The following SYT16 variants were observed in gnomAD, a reference collection of about 807,000 sequenced individuals.
SYT16 encodes synaptotagmin-16.
In SYT16, 42 loss-of-function variants were observed where a neutral mutation model predicts 61.4. That is an observed-to-expected ratio of 0.68 (90% confidence interval 0.53 to 0.89). The LOEUF (loss-of-function observed/expected upper bound fraction) is 0.89. Ranked by LOEUF, SYT16 falls within the 40% of genes least tolerant of loss-of-function variation. SYT16 has a pLI of 0.00. For synonymous variants in SYT16, 314 were observed against 302.3 expected (o/e 1.04, Z -0.40); for missense variants, 804 against 807.3 (o/e 1.00, Z 0.05).
At chr14:62,081,679 G>T (rs2056713247) in intron 6 of SYT16, among the ~76,000 whole-genome samples, 1 of 152,200 alleles carries the variant, frequency 6.6e-6, no homozygotes, top group African/African-American at 2.4e-5. Context: ...TGAGAGAGCA[G>T]CCCAGAACTT....
intron 6 of SYT16, among the ~76,000 whole-genome samples, chr14:62,083,154 T>TGG (rs11415895): frequency 9.2e-5 from 14 of 152,076 alleles, no homozygotes; most frequent in African/African-American, 1.7e-4. Flanking sequence ...TCAGGTTAGG[T>TGG]GGGGGGCGCT....
At chr14:61,947,810 A>T (rs939809560) in intron 1 of SYT16, among the ~76,000 whole-genome samples, 1 of 152,234 alleles carries the variant, frequency 6.6e-6, no homozygotes, top group Non-Finnish European at 1.5e-5. Context: ...CATTGTGCAA[A>T]GGGTGCATTC....
intron 2 of SYT16, among the ~76,000 whole-genome samples, chr14:61,980,668 G>A (rs553154591): frequency 1.1e-3 from 165 of 152,294 alleles, no homozygotes; most frequent in African/African-American, 3.9e-3. Flanking sequence ...TGGTGAAAAA[G>A]AGAGTTGTAG....
chr14:62,024,822 C>T (rs960593719), intron 3 of SYT16, among the ~76,000 whole-genome samples: 3 of 152,078 alleles, frequency 2.0e-5, no homozygotes, highest in Non-Finnish European at 4.4e-5. Context: ...CTGACAACCA[C>T]TGATCTTTTT....
chr14:62,060,674 T>C lies in SYT16; in HGVS notation c.524-8929T>C, dbSNP rs200615746. ...TTGCCTCTCTAGGGTAAACCTTATGTGGTCATAATATATAATCCTTTAAAT... is the reference window on the plus strand; with the variant it reads ...TTGCCTCTCTAGGGTAAACCTTATGCGGTCATAATATATAATCCTTTAAAT... On this transcript the variant is annotated intron_variant, in intron 3 of 7. Transcript: ENST00000683842. 1.1e-4 allele frequency among the ~76,000 whole-genome samples: 16 copies of C among 152,160 alleles called. No individual in the cohort carries two copies. The East Asian group carries it at 2.1e-3, about 20-fold the overall frequency.
intron 3 of SYT16, among the ~76,000 whole-genome samples, chr14:62,044,700 A>G (rs2054894141): frequency 6.6e-6 from 1 of 152,084 alleles, no homozygotes; most frequent in Non-Finnish European, 1.5e-5. Context: ...CCTGTCTATC[A>G]TTGATGGGCA....
At chr14:61,850,109 T>G (rs995925384) in intron 1 of SYT16, among the ~76,000 whole-genome samples, 1 of 152,042 alleles carries the variant, frequency 6.6e-6, no homozygotes, top group Admixed American at 6.6e-5. Context: ...CTCAGTGTGG[T>G]TTTAATTTGC....
intron 1 of SYT16, chr14:61,864,936 G>A: frequency 1.5e-6 from 2 of 1,292,022 alleles, no homozygotes; most frequent in Non-Finnish European, 2.2e-6. Flanking sequence ...GTCCTGGGCT[G>A]CCTGCAGGCC....
At position 61,987,569 on chromosome 14, in the gene SYT16, A is replaced by C. The variant is rs374447931; in HGVS notation, c.-144-8307A>C. On this transcript the variant is annotated intron_variant, in intron 2 of 7. Transcript: ENST00000683842. ...ATAGAGTTTAGAGTTATTTAGATGA[A>C]AGAATGGGTAGGCCTTGGTAAGCAA... 5.1e-4 allele frequency among the ~76,000 whole-genome samples: 77 copies of C among 152,262 alleles called. No individual in the cohort carries two copies. The Middle Eastern group carries it at 0.024, about 47-fold the overall frequency.
intron 5 of SYT16, among the ~76,000 whole-genome samples, chr14:62,079,859 T>A (rs776716752): frequency 2.0e-5 from 3 of 152,174 alleles, no homozygotes; most frequent in Non-Finnish European, 2.9e-5. Context: ...GCATGTAAAT[T>A]GCTACCCAAG....
At chr14:62,020,665 A>T (rs1176179097) in intron 3 of SYT16, among the ~76,000 whole-genome samples, 1 of 152,148 alleles carries the variant, frequency 6.6e-6, no homozygotes, top group East Asian at 1.9e-4. Flanking sequence ...CCTGGTTCTG[A>T]CTTTGGTTAA....
At chr14:62,100,073 T>G (rs1294752912) in intron 7 of SYT16, among the ~76,000 whole-genome samples, 2 of 152,230 alleles carry the variant, frequency 1.3e-5, no homozygotes, top group Non-Finnish European at 1.5e-5. Flanking sequence ...GATGAAGAAC[T>G]GTGCCTGCCC....
intron 3 of SYT16, among the ~76,000 whole-genome samples, chr14:62,024,624 A>G (rs1595185094): frequency 6.6e-6 from 1 of 152,044 alleles, no homozygotes; most frequent in Non-Finnish European, 1.5e-5. Context: ...TAAACCTGCA[A>G]TGAAACATCA....
intron 1 of SYT16, among the ~76,000 whole-genome samples, chr14:61,958,429 T>C (rs2050972138): frequency 6.6e-6 from 1 of 152,014 alleles, no homozygotes; most frequent in Admixed American, 6.6e-5. Flanking sequence ...TCTCTTCTAG[T>C]ACTGCTTTCC....
At chr14:61,960,734 A>G (rs546146746) in intron 1 of SYT16, among the ~76,000 whole-genome samples, 5 of 152,164 alleles carry the variant, frequency 3.3e-5, no homozygotes, top group Admixed American at 6.5e-5. Flanking sequence ...CTGCCGTACT[A>G]TGTTGAGTAG....
Position 62,080,210 on chromosome 14 carries a change from A to G in SYT16, c.994-624A>G, listed in dbSNP as rs565310698. Reference sequence around the variant, plus strand: ...AGTGTGAGCCGAGGCTAGCAGCGTCAACATCCCTTGTGCCTGTCCCAGAAA... The same window carrying G: ...AGTGTGAGCCGAGGCTAGCAGCGTCGACATCCCTTGTGCCTGTCCCAGAAA... On this transcript the variant is annotated intron_variant, in intron 5 of 7. Transcript: ENST00000683842. Among the ~76,000 whole-genome samples the G allele has an allele frequency of 5.9e-5, 9 of 152,340 alleles. No homozygotes were observed. The South Asian group carries it at 6.2e-4, about 11-fold the overall frequency.
At position 61,835,321 on chromosome 14, in the gene SYT16, C is replaced by T. The variant is rs192839276; in HGVS notation, c.-325+22511C>T. Among the ~76,000 whole-genome samples the T allele has an allele frequency of 5.4e-3, 756 of 139,874 alleles. 2 individuals carry two copies. The highest frequency in any genetic ancestry group is 0.014 in the Admixed American group (178 of 13,062). 91.8% of individuals were successfully genotyped at this position (139,874 alleles called of 152,430 possible). A position where few individuals can be genotyped will look rare whatever the true frequency, so the allele number is the denominator to read the frequency against. On this transcript the variant is annotated intron_variant, in intron 1 of 7. Transcript: ENST00000683842. ...CGCCCGGGGAAAGAGTGCAGTGGCG[C>T]GGTCTCGGCTCACTGCAACCTCCTC...
chr14:62,026,526 G>A (rs969815321), intron 3 of SYT16, among the ~76,000 whole-genome samples: 2 of 152,166 alleles, frequency 1.3e-5, no homozygotes, highest in African/African-American at 4.8e-5. Context: ...TATTCAGGAA[G>A]GAGGAGCCCT....
chr14:62,050,010 T>C (rs1450151494), intron 3 of SYT16, among the ~76,000 whole-genome samples: 1 of 152,202 alleles, frequency 6.6e-6, no homozygotes, highest in Non-Finnish European at 1.5e-5. Flanking sequence ...TGAATTTGAA[T>C]GTTGGCCTGC....
Sources: allele counts gnomAD v4.1 joint callset (sites outside exome capture counted in the v4.1 genomes callset), GRCh38; gene constraint gnomAD v4.1.1; transcripts MANE v1.5; gene names NCBI Gene and HGNC (gene_info 2026-07-23, HGNC 2026-07-21).